Variants in AHCTF1 observed in about 807,000 individuals in gnomAD.
The protein encoded by AHCTF1 is protein ELYS.
Under a neutral mutation model 248.4 loss-of-function variants are expected in AHCTF1, and 24 were observed. The observed-to-expected ratio is 0.10, with a 90% CI of 0.07 to 0.14. The LOEUF (loss-of-function observed/expected upper bound fraction) is 0.14. AHCTF1 is among the 10% of genes least tolerant of loss of function. The pLI, the probability that AHCTF1 is intolerant of heterozygous loss-of-function variation, is 1.00. For missense variants in AHCTF1, 2,206 were observed against 2,636.2 expected (o/e 0.84, Z 3.57); for synonymous variants, 786 against 929.8 (o/e 0.85, Z 2.81).
chr1:246,931,723 G>A lies in AHCTF1; in HGVS notation c.-153C>T, dbSNP rs1351068012. ...CGGGCTCACACCCCTCCGCCCGGCT[G>A]AAGCCGCTCCTCTGCGCTCCGGCCG... On this transcript the variant is annotated 5_prime_UTR_variant, in exon 1 of 36. Transcript: ENST00000648844. 2 of 152,818 alleles carry A rather than the reference G, an allele frequency of 1.3e-5. No individual in the cohort carries two copies. The highest frequency in any genetic ancestry group is 2.9e-5 in the Non-Finnish European group (2 of 68,630). The allele number at this position is 152,818 out of a possible 1,614,324, so 9.5% of individuals were successfully genotyped here.
chr1:246,912,915 C>A (rs1665907848), intron 4 of AHCTF1, among the ~76,000 whole-genome samples: 1 of 151,916 alleles, frequency 6.6e-6, no homozygotes, highest in African/African-American at 2.4e-5. Context: ...AGCCCTTATT[C>A]CAGCATTTAC....
intron 1 of AHCTF1, among the ~76,000 whole-genome samples, chr1:246,926,214 G>A (rs2103255227): frequency 6.6e-6 from 1 of 152,230 alleles, no homozygotes; most frequent in South Asian, 2.1e-4. Context: ...GAACCATGAG[G>A]CAAAATAAAC....
chr1:246,861,343 TAAGTC>T (rs1311223540), intron 28 of AHCTF1, 48 bp from the exon 29 acceptor site: 18 of 1,493,934 alleles, frequency 1.2e-5, no homozygotes, highest in East Asian at 7.0e-5. Context: ...ATATCACAGT[TAAGTC>T]TAGTCCTAAG....
chr1:246,909,395 A>C (rs1438929863), intron 4 of AHCTF1, among the ~76,000 whole-genome samples: 1 of 22,380 alleles, frequency 4.5e-5, no homozygotes. Context: ...CCAGCCTCTC[A>C]AAAAAAAAAA....
At position 246,895,889 on chromosome 1, in the gene AHCTF1, G is replaced by T; in HGVS notation, c.1660C>A (p.Gln554Lys). The T allele has an allele frequency of 1.2e-6, 2 of 1,613,518 alleles. No individual in the cohort carries two copies. The highest frequency in any genetic ancestry group is 8.5e-7 in the Non-Finnish European group (1 of 1,179,658). Residue 554 changes from glutamine (Q) to lysine (K), a missense_variant, in exon 13 of 36, where the codon CAG becomes AAG. Physicochemically the swap from Gln to Lys is moderately conservative, Grantham distance 53. This residue lies in a region of AHCTF1 where 650 missense variants were observed against 870.8 expected (regional missense o/e 0.75). Coordinates refer to ENST00000648844, the MANE Select transcript of AHCTF1 (RefSeq NM_001323342.2). ...GTCAAAAGTCCCAGGGAACTAGTCT[G>T]AATTGCTGCTGACAATATAGCTTCT... is the stretch of plus-strand genomic sequence containing the variant. ...QLEAILSAAI[Q>K]TSSLGLLTGY...
At chr1:246,870,025 T>C (rs1662463672) in intron 24 of AHCTF1, among the ~76,000 whole-genome samples, 1 of 152,198 alleles carries the variant, frequency 6.6e-6, no homozygotes, top group Admixed American at 6.5e-5. Context: ...AGTCAAACTA[T>C]GCACATTAAA....
intron 32 of AHCTF1, among the ~76,000 whole-genome samples, chr1:246,852,472 T>G (rs916725417): frequency 5.9e-5 from 9 of 152,128 alleles, no homozygotes; most frequent in Admixed American, 5.9e-4. Flanking sequence ...ATAAAAGATT[T>G]GGTATAATAG....
At chr1:246,928,884 A>T (rs2642975) in intron 1 of AHCTF1, among the ~76,000 whole-genome samples, 91,110 of 152,114 alleles carry the variant, frequency 0.6, 29,631 homozygotes, top group African/African-American at 0.87. Context: ...GAAATTTCTT[A>T]CCAACTTAAT....
intron 6 of AHCTF1, 134 bp downstream of exon 6, chr1:246,905,407 G>A (rs1665312626): frequency 1.6e-6 from 1 of 640,400 alleles, no homozygotes; most frequent in Non-Finnish European, 2.8e-6. Context: ...CTGAGCGAGA[G>A]AATGGCATGA....
chr1:246,853,771 T>TAACA (rs76803337), intron 31 of AHCTF1, among the ~76,000 whole-genome samples: 8 of 152,184 alleles, frequency 5.3e-5, no homozygotes, highest in Non-Finnish European at 1.0e-4. Context: ...CTTTAGTGTT[T>TAACA]AACAACAACA....
At chr1:246,853,507 A>G (rs1278903237) in intron 31 of AHCTF1, among the ~76,000 whole-genome samples, 5 of 152,354 alleles carry the variant, frequency 3.3e-5, no homozygotes, top group East Asian at 1.9e-4. Flanking sequence ...TTTAAAAATG[A>G]TAACTGATAA....
intron 14 of AHCTF1, among the ~76,000 whole-genome samples, 200 bp from the exon 15 acceptor site, chr1:246,892,119 G>A (rs1664246332): frequency 6.6e-6 from 1 of 151,978 alleles, no homozygotes; most frequent in Non-Finnish European, 1.5e-5. Context: ...AAAGCCAAGA[G>A]TGAGACTATG....
chr1:246,889,092 A>C (rs1368777925), intron 17 of AHCTF1, among the ~76,000 whole-genome samples: 1 of 152,184 alleles, frequency 6.6e-6, no homozygotes, highest in Non-Finnish European at 1.5e-5. Context: ...CACCATATTA[A>C]GCAAACTACC....
Position 246,891,937 on chromosome 1 carries a change from AAAGAT to A in AHCTF1, c.1805-23_1805-19del, listed in dbSNP as rs779145843. On this transcript the variant is annotated intron_variant, in intron 14 of 35. Transcript: ENST00000648844. ...TGGCACACCTTTCAAGAATAAAAGA[AAAGAT>A]AAGTTTCCATACAGTAAATCTAAAT... 288 of 1,573,010 alleles carry A rather than the reference AAAGAT, an allele frequency of 1.8e-4. 1 individual carries two copies. Among genetic ancestry groups the A allele is most frequent in the South Asian group, 1.6e-3 (134 of 83,488 alleles).
chr1:246,862,306 C>T (rs928303295), intron 27 of AHCTF1, among the ~76,000 whole-genome samples, 153 bp from the exon 28 acceptor site: 1 of 152,084 alleles, frequency 6.6e-6, no homozygotes, highest in East Asian at 1.9e-4. Flanking sequence ...CGGTGAAACC[C>T]CGTCTCTACT....
chr1:246,867,210 TTG>T, intron 26 of AHCTF1, 32 bp downstream of exon 26: 1 of 1,178,236 alleles, frequency 8.5e-7, no homozygotes, highest in Non-Finnish European at 1.2e-6. Context: ...TCATCTAACA[TTG>T]TGTCTCTAAG....
intron 14 of AHCTF1, among the ~76,000 whole-genome samples, chr1:246,893,815 C>T (rs183317877): frequency 7.2e-4 from 109 of 152,288 alleles, no homozygotes; most frequent in African/African-American, 2.5e-3. Context: ...AATTAAACTC[C>T]TAAGACCAAA....
chr1:246,890,233 G>C (rs1664126163), intron 16 of AHCTF1, among the ~76,000 whole-genome samples, 174 bp from the exon 17 acceptor site: 1 of 152,184 alleles, frequency 6.6e-6, no homozygotes, highest in African/African-American at 2.4e-5. Flanking sequence ...AGAGGCACAA[G>C]TGAGAAAATG....
chr1:246,922,588 C>A, intron 1 of AHCTF1, among the ~76,000 whole-genome samples: 1 of 151,458 alleles, frequency 6.6e-6, no homozygotes, highest in East Asian at 2.0e-4. Context: ...GAAATAAGGT[C>A]TCACTATGTT....
Sources: gnomAD v4.1 joint callset for allele counts (sites outside exome capture counted in the v4.1 genomes callset) on GRCh38, gnomAD v4.1.1 for gene constraint, gnomAD v4.1.1 regional missense constraint, MANE v1.5 for transcripts, NCBI Gene and HGNC (gene_info 2026-07-23, HGNC 2026-07-21) for gene names.